The following CFAP95 variants were observed in gnomAD, a reference collection of about 807,000 sequenced individuals.
CFAP95 encodes the protein cilia and flagella associated protein 95, also known as cilia- and flagella-associated protein 95.
At chr9:69,831,886 C>T in the CFAP95 span, among the ~76,000 whole-genome samples, 3 of 152,072 alleles carry the variant, frequency 2.0e-5, no homozygotes, top group Non-Finnish European at 4.4e-5. Flanking sequence ...GACTCTTAGT[C>T]CTGGAGGTGA....
chr9:69,883,379 G>T, the CFAP95 span, among the ~76,000 whole-genome samples: 1 of 152,120 alleles, frequency 6.6e-6, no homozygotes, highest in Non-Finnish European at 1.5e-5. Context: ...TCTTGGGGCT[G>T]ACATCTCTCT....
the CFAP95 span, among the ~76,000 whole-genome samples, chr9:69,840,237 C>G: frequency 2.0e-5 from 3 of 152,144 alleles, no homozygotes; most frequent in South Asian, 6.2e-4. Context: ...CATGGCAAGT[C>G]GTTCGATGAC....
the CFAP95 span, among the ~76,000 whole-genome samples, chr9:69,869,781 A>G: frequency 0.15 from 22,274 of 152,022 alleles, 1,688 homozygotes; most frequent in East Asian, 0.26. Flanking sequence ...GATTTTTTAA[A>G]TATCAGGGCT....
chr9:69,825,563 C>T, the CFAP95 span, among the ~76,000 whole-genome samples: 1 of 152,152 alleles, frequency 6.6e-6, no homozygotes, highest in African/African-American at 2.4e-5. Context: ...GCTTCTGAGC[C>T]AGAGATGCCT....
the CFAP95 span, among the ~76,000 whole-genome samples, chr9:69,822,845 TG>T: frequency 6.6e-6 from 1 of 152,172 alleles, no homozygotes; most frequent in Non-Finnish European, 1.5e-5. Flanking sequence ...GAAGGAAGGC[TG>T]GGGAACAGGA....
At chr9:69,850,459 G>A in the CFAP95 span, among the ~76,000 whole-genome samples, 1 of 152,154 alleles carries the variant, frequency 6.6e-6, no homozygotes, top group Non-Finnish European at 1.5e-5. Flanking sequence ...CTAAATCTGA[G>A]CTGTTTTAGT....
the CFAP95 span, among the ~76,000 whole-genome samples, chr9:69,876,094 T>A: frequency 1.3e-5 from 2 of 152,246 alleles, no homozygotes; most frequent in East Asian, 3.8e-4. Flanking sequence ...TTTTGCAAGA[T>A]ATTGCCACTA....
chr9:69,847,529 A>G, the CFAP95 span, among the ~76,000 whole-genome samples: 2 of 152,194 alleles, frequency 1.3e-5, no homozygotes, highest in Non-Finnish European at 2.9e-5. Context: ...ACCCTGCTAC[A>G]CTGCACCTTC....
the CFAP95 span, among the ~76,000 whole-genome samples, chr9:69,871,646 T>C: frequency 6.6e-6 from 1 of 151,484 alleles, no homozygotes; most frequent in Non-Finnish European, 1.5e-5. Context: ...AGACTTGAGA[T>C]TGATTCCTAG....
At chr9:69,885,200 G>T in the CFAP95 span, 1 of 152,196 alleles carries the variant, frequency 6.6e-6, no homozygotes, top group African/African-American at 2.4e-5. Flanking sequence ...CACCAGCTCA[G>T]CCATGCGTTA....
chr9:69,894,880 G>T, the CFAP95 span, among the ~76,000 whole-genome samples: 1 of 152,052 alleles, frequency 6.6e-6, no homozygotes, highest in Non-Finnish European at 1.5e-5. Context: ...TGGTCAACAT[G>T]GTGAAACACC....
chr9:69,891,085 C>T, the CFAP95 span, among the ~76,000 whole-genome samples: 6 of 152,274 alleles, frequency 3.9e-5, no homozygotes, highest in Admixed American at 2.0e-4. Context: ...AAAGAAGGTA[C>T]ATTAGAGAAC....
the CFAP95 span, among the ~76,000 whole-genome samples, chr9:69,903,248 A>G: frequency 2.6e-5 from 4 of 152,244 alleles, no homozygotes; most frequent in East Asian, 7.7e-4. Flanking sequence ...AACTTCTTTC[A>G]CATAAACCAT....
the CFAP95 span, among the ~76,000 whole-genome samples, chr9:69,838,597 C>T: frequency 0.13 from 19,390 of 148,942 alleles, 1,380 homozygotes; most frequent in East Asian, 0.26. Flanking sequence ...CCTGAGACTT[C>T]GCTGAAGTTG....
At chr9:69,879,647 G>A in the CFAP95 span, among the ~76,000 whole-genome samples, 1 of 152,182 alleles carries the variant, frequency 6.6e-6, no homozygotes, top group Non-Finnish European at 1.5e-5. Context: ...GACAGTTTAT[G>A]CACAGCCTCT....
At chr9:69,822,525 C>G in the CFAP95 span, among the ~76,000 whole-genome samples, 1 of 152,172 alleles carries the variant, frequency 6.6e-6, no homozygotes, top group South Asian at 2.1e-4. Context: ...CCTCATAGCT[C>G]TCAAGCAAAA....
the CFAP95 span, among the ~76,000 whole-genome samples, chr9:69,821,743 T>C: frequency 2.0e-5 from 2 of 101,114 alleles, no homozygotes; most frequent in Non-Finnish European, 4.7e-5. Flanking sequence ...TCTGTTTACT[T>C]TTTTTTTTTT....
At chr9:69,875,341 C>T in the CFAP95 span, among the ~76,000 whole-genome samples, 7 of 152,180 alleles carry the variant, frequency 4.6e-5, no homozygotes, top group East Asian at 1.3e-3. Flanking sequence ...AGAAAGATAA[C>T]TGAATGTTTT....
the CFAP95 span, among the ~76,000 whole-genome samples, chr9:69,841,343 G>C: frequency 4.5e-4 from 68 of 151,700 alleles, no homozygotes; most frequent in African/African-American, 1.6e-3. Context: ...CTGCTGTAGG[G>C]ATGTACTCCG....
Sources: allele counts gnomAD v4.1 joint callset (sites outside exome capture counted in the v4.1 genomes callset), GRCh38; gene constraint gnomAD v4.1.1; transcripts MANE v1.5; gene names NCBI Gene and HGNC (gene_info 2026-07-23, HGNC 2026-07-21).